SKI: variants seen among roughly 807,000 people sequenced by gnomAD.
SKI encodes SKI proto-oncogene.
SKI carries 23 observed loss-of-function variants against 59.3 expected under a neutral mutation model. The ratio of observed to expected loss-of-function variants is 0.39; its 90% CI spans 0.28 to 0.55. The LOEUF is 0.55. SKI is among the 20% of genes least tolerant of loss of function. The pLI is 0.67. For missense variants in SKI, 1,017 were observed against 1,038.9 expected, an observed-to-expected ratio of 0.98 and a Z score of 0.29; for synonymous variants, 673 against 488.6, an observed-to-expected ratio of 1.38 and a Z score of -4.98.
chr1:2,274,191 G>A (rs1461108609), intron 1 of SKI, among the ~76,000 whole-genome samples: 3 of 152,094 alleles, frequency 2.0e-5, no homozygotes, highest in Admixed American at 6.6e-5. Flanking sequence ...CCTTTGAGGA[G>A]CTCTGCTCAT....
Position 2,269,944 on chromosome 1 carries a change from G to C in SKI, c.970-33034G>C, listed in dbSNP as rs1255012703. Among the ~76,000 whole-genome samples, 1 of 118,640 alleles carries C rather than the reference G, an allele frequency of 8.4e-6. No individual in the cohort carries two copies. Among genetic ancestry groups the C allele is most frequent in the Non-Finnish European group, 1.8e-5 (1 of 56,052 alleles). 77.8% of individuals were successfully genotyped at this position (118,640 alleles called of 152,430 possible). On this transcript the variant is annotated intron_variant, in intron 1 of 6. Transcript: ENST00000378536. This position sits in a 1 kb window ranked among gnomAD's most constrained non-coding sequence, Gnocchi z 4.7. ...TCTGGTGGTGCCTGTGGCTGGCGTG[G>C]GTCTGGCGGGTCTCGTGGTGCCTGT...
intron 1 of SKI, among the ~76,000 whole-genome samples, chr1:2,294,713 C>G (rs886111204): frequency 1.1e-4 from 17 of 152,242 alleles, no homozygotes; most frequent in African/African-American, 4.1e-4. Context: ...GGGCCTGGCC[C>G]TCCCCCCGCT....
At position 2,229,791 on chromosome 1, in the gene SKI, TCTGGA is replaced by T; in HGVS notation, c.969+59_969+63del. 3 of 1,549,148 alleles carry T rather than the reference TCTGGA, an allele frequency of 1.9e-6. No individual in the cohort carries two copies. The highest frequency in any genetic ancestry group is 2.6e-6 in the Non-Finnish European group (3 of 1,146,744). On this transcript the variant is annotated intron_variant, in intron 1 of 6. Coordinates refer to ENST00000378536, the MANE Select transcript of SKI (RefSeq NM_003036.4). This position sits in a 1 kb window ranked among gnomAD's most constrained non-coding sequence, Gnocchi z 6.3. ...GGATGCGCTTGGGGTGGGGGCCCCT[TCTGGA>T]CTACAGGCTCTGGTCTCCGAAGGCT...
At chr1:2,232,281 G>C (rs1312274095) in intron 1 of SKI, among the ~76,000 whole-genome samples, 1 of 152,324 alleles carries the variant, frequency 6.6e-6, no homozygotes, top group East Asian at 1.9e-4. Flanking sequence ...AGGCCTTCGG[G>C]CTCTGCGGAG....
At chr1:2,266,671 C>T (rs1293894954) in intron 1 of SKI, among the ~76,000 whole-genome samples, 1 of 152,178 alleles carries the variant, frequency 6.6e-6, no homozygotes, top group Non-Finnish European at 1.5e-5. Flanking sequence ...TTCACCTTGG[C>T]TGCAGGCGGG....
At chr1:2,253,836 A>G (rs920745400) in intron 1 of SKI, among the ~76,000 whole-genome samples, 7 of 152,060 alleles carry the variant, frequency 4.6e-5, no homozygotes, top group Non-Finnish European at 1.0e-4. Context: ...GTGACAGCAG[A>G]GGGGAGGTGT....
chr1:2,233,820 G>A (rs537201928), intron 1 of SKI, among the ~76,000 whole-genome samples: 1 of 152,268 alleles, frequency 6.6e-6, no homozygotes, highest in South Asian at 2.1e-4. Context: ...GTTTTAAGCT[G>A]AAATGATCAC....
intron 1 of SKI, among the ~76,000 whole-genome samples, chr1:2,244,325 C>T (rs974028339): frequency 6.6e-6 from 1 of 151,752 alleles, no homozygotes; most frequent in East Asian, 2.0e-4. Flanking sequence ...CACCTGTAAT[C>T]CCAGCACTTT....
At chr1:2,249,416 C>T (rs1487381618) in intron 1 of SKI, among the ~76,000 whole-genome samples, 1 of 152,258 alleles carries the variant, frequency 6.6e-6, no homozygotes, top group African/African-American at 2.4e-5. Flanking sequence ...GTTCAGCCTT[C>T]AGTGCCCCAG....
intron 1 of SKI, among the ~76,000 whole-genome samples, chr1:2,283,260 A>C (rs1207265066): frequency 4.6e-5 from 7 of 152,104 alleles, no homozygotes; most frequent in Non-Finnish European, 2.9e-5. Flanking sequence ...CTTCTGCGCC[A>C]GGCCTCACTC....
At chr1:2,288,834 A>G (rs978912647) in intron 1 of SKI, among the ~76,000 whole-genome samples, 10 of 152,058 alleles carry the variant, frequency 6.6e-5, no homozygotes, top group Non-Finnish European at 1.3e-4. Flanking sequence ...GTTCGTCTTC[A>G]TCCTTTGATC....
At chr1:2,259,651 G>A (rs1474580362) in intron 1 of SKI, among the ~76,000 whole-genome samples, 1 of 152,002 alleles carries the variant, frequency 6.6e-6, no homozygotes, top group Non-Finnish European at 1.5e-5. Flanking sequence ...TAAAACCCTC[G>A]CTGCCGTCCA....
intron 1 of SKI, among the ~76,000 whole-genome samples, chr1:2,230,941 C>G (rs963624706): frequency 1.3e-5 from 2 of 152,044 alleles, no homozygotes; most frequent in Non-Finnish European, 2.9e-5. Context: ...CGCCTCTGCT[C>G]GGAGGGGGCT....
chr1:2,279,390 T>A (rs1260317351), intron 1 of SKI, among the ~76,000 whole-genome samples: 1 of 152,202 alleles, frequency 6.6e-6, no homozygotes, highest in Non-Finnish European at 1.5e-5. Context: ...ATTTCCTTCC[T>A]GGCCCTGCTC....
intron 1 of SKI, among the ~76,000 whole-genome samples, chr1:2,236,111 G>A (rs1427934404): frequency 1.3e-5 from 2 of 152,202 alleles, no homozygotes; most frequent in Non-Finnish European, 2.9e-5. Context: ...CTGAATCGGG[G>A]CGTTTAGGCC....
chr1:2,275,593 A>G (rs937167899), intron 1 of SKI, among the ~76,000 whole-genome samples: 1 of 151,942 alleles, frequency 6.6e-6, no homozygotes, highest in East Asian at 1.9e-4. Context: ...GGCTCACTGC[A>G]AGCTCCGCTC....
At chr1:2,232,729 T>C (rs1638665884) in intron 1 of SKI, 1 of 152,264 alleles carries the variant, frequency 6.6e-6, no homozygotes, top group African/African-American at 2.4e-5. Flanking sequence ...TTGTCTCACC[T>C]CCCCACTCGG....
intron 1 of SKI, among the ~76,000 whole-genome samples, chr1:2,231,297 G>A (rs948091749): frequency 3.3e-5 from 5 of 152,256 alleles, no homozygotes; most frequent in East Asian, 3.9e-4. Flanking sequence ...GCTGGGACAC[G>A]CTCACGTCAC....
chr1:2,292,535 C>T (rs192947457), intron 1 of SKI, among the ~76,000 whole-genome samples: 1 of 152,328 alleles, frequency 6.6e-6, no homozygotes, highest in Admixed American at 6.5e-5. Flanking sequence ...GTGTAGCCCA[C>T]ACCCCCTGGG....
Sources: allele counts gnomAD v4.1 joint callset (sites outside exome capture counted in the v4.1 genomes callset), GRCh38; gene constraint gnomAD v4.1.1; non-coding constraint Gnocchi (gnomAD v3.1); transcripts MANE v1.5; gene names NCBI Gene and HGNC (gene_info 2026-07-23, HGNC 2026-07-21).